EPHA6: variants seen among roughly 807,000 people sequenced by gnomAD.
EPHA6 encodes the protein EPH receptor A6.
In EPHA6, 50 loss-of-function variants were observed where a neutral mutation model predicts 112.0. That is an observed-to-expected ratio of 0.45 (90% CI 0.36 to 0.56). The LOEUF (loss-of-function observed/expected upper bound fraction) is 0.56. Ranked by LOEUF, EPHA6 falls within the 20% of genes least tolerant of loss-of-function variation. The pLI, the probability that EPHA6 is intolerant of heterozygous loss-of-function variation, is 0.00. For synonymous variants in EPHA6, 529 were observed against 490.7 expected (o/e 1.08, Z -1.03); for missense variants, 1,280 against 1,417.4 (o/e 0.90, Z 1.56).
chr3:96,824,923 T>A (rs2033545860), intron 1 of EPHA6, among the ~76,000 whole-genome samples: 1 of 151,846 alleles, frequency 6.6e-6, no homozygotes, highest in East Asian at 1.9e-4. Flanking sequence ...GTTATAAAAT[T>A]GAAGAGGTAT....
chr3:97,667,237 A>G (rs772922260), intron 14 of EPHA6, among the ~76,000 whole-genome samples: 4 of 152,218 alleles, frequency 2.6e-5, no homozygotes, highest in Non-Finnish European at 4.4e-5. Context: ...GCAAACATAT[A>G]CAAATTTATT....
chr3:96,918,517 A>G (rs913721213), intron 2 of EPHA6, among the ~76,000 whole-genome samples: 9 of 152,122 alleles, frequency 5.9e-5, no homozygotes, highest in Non-Finnish European at 1.2e-4. Context: ...CAAGGCAGCA[A>G]AGAGATAGGA....
intron 11 of EPHA6, among the ~76,000 whole-genome samples, chr3:97,589,190 CGTTAGT>C (rs2093519728): frequency 6.6e-6 from 1 of 150,560 alleles, no homozygotes; most frequent in Admixed American, 6.6e-5. Flanking sequence ...CATGATCTCT[CGTTAGT>C]GTTAGTGTAT....
At chr3:97,084,120 A>C (rs1419330365) in intron 3 of EPHA6, among the ~76,000 whole-genome samples, 1 of 123,330 alleles carries the variant, frequency 8.1e-6, no homozygotes, top group African/African-American at 3.4e-5. Context: ...ATATATATAT[A>C]TATGGATATA....
chr3:97,377,359 A>C (rs1232710412), intron 5 of EPHA6, among the ~76,000 whole-genome samples: 1 of 152,154 alleles, frequency 6.6e-6, no homozygotes, highest in African/African-American at 2.4e-5. Flanking sequence ...CTCCCCAGCC[A>C]TGTGGAACTG....
At position 97,356,374 on chromosome 3, in the gene EPHA6, C is replaced by T. The variant is rs551105803; in HGVS notation, c.1607-48776C>T. 5.3e-5 allele frequency among the ~76,000 whole-genome samples: 8 copies of T among 152,264 alleles called. No individual in the cohort carries two copies. The East Asian group carries it at 1.5e-3, about 29-fold the overall frequency. On this transcript the variant is annotated intron_variant, in intron 5 of 17. Transcript: ENST00000389672. The stretch of plus-strand genomic sequence containing the variant: ...TAAAGTACAAAATAAATGTAATGTG[C>T]TTGAATCATCCCAAAACCATCCCCC...
At chr3:97,699,940 C>A (rs2033277215) in intron 14 of EPHA6, among the ~76,000 whole-genome samples, 1 of 152,176 alleles carries the variant, frequency 6.6e-6, no homozygotes, top group African/African-American at 2.4e-5. Context: ...AGCCCAAGTT[C>A]CCTGGAAAAC....
At chr3:97,074,229 C>T (rs2046446968) in intron 3 of EPHA6, among the ~76,000 whole-genome samples, 1 of 151,890 alleles carries the variant, frequency 6.6e-6, no homozygotes, top group African/African-American at 2.4e-5. Flanking sequence ...AACATACTTG[C>T]ATTGACACTG....
intron 3 of EPHA6, among the ~76,000 whole-genome samples, chr3:97,106,617 C>G (rs2047578414): frequency 6.6e-6 from 1 of 152,070 alleles, no homozygotes. Context: ...TTCCGGTACA[C>G]CAAGGTGAGA....
intron 14 of EPHA6, 138 bp from the exon 15 acceptor site, chr3:97,720,123 T>C (rs888393273): frequency 3.1e-5 from 20 of 645,216 alleles, no homozygotes; most frequent in Non-Finnish European, 4.3e-5. Flanking sequence ...TATTCTGGCT[T>C]TCTTTTGATT....
chr3:97,684,127 A>C (rs1180397465), intron 14 of EPHA6, among the ~76,000 whole-genome samples: 1 of 152,176 alleles, frequency 6.6e-6, no homozygotes, highest in Non-Finnish European at 1.5e-5. Flanking sequence ...ATGAAAATAT[A>C]TGTTCACTGA....
At chr3:97,097,191 T>G (rs2047265181) in intron 3 of EPHA6, among the ~76,000 whole-genome samples, 1 of 151,592 alleles carries the variant, frequency 6.6e-6, no homozygotes, top group Non-Finnish European at 1.5e-5. Context: ...TTTATAAAAA[T>G]GACATATGCA....
At chr3:96,880,682 C>T (rs776868070) in intron 2 of EPHA6, among the ~76,000 whole-genome samples, 13 of 152,068 alleles carry the variant, frequency 8.5e-5, no homozygotes, top group Non-Finnish European at 1.5e-4. Flanking sequence ...TGTTGCACCC[C>T]ATTCTTCCTC....
intron 7 of EPHA6, among the ~76,000 whole-genome samples, chr3:97,454,426 A>T (rs1057200176): frequency 5.3e-5 from 8 of 151,854 alleles, no homozygotes; most frequent in African/African-American, 1.9e-4. Context: ...GTCAAAAAGA[A>T]AAAGAAATAC....
intron 5 of EPHA6, among the ~76,000 whole-genome samples, chr3:97,350,366 A>G (rs530439582): frequency 6.6e-6 from 1 of 152,254 alleles, no homozygotes; most frequent in African/African-American, 2.4e-5. Flanking sequence ...ACAGAGTATC[A>G]CAATGCAGAA....
chr3:97,554,444 CT>C (rs1044589804), intron 11 of EPHA6, among the ~76,000 whole-genome samples: 8 of 152,002 alleles, frequency 5.3e-5, no homozygotes, highest in African/African-American at 1.9e-4. Context: ...ACAGCTATTT[CT>C]TTTAGGTTTG....
chr3:97,624,105 T>A (rs2093835484), intron 13 of EPHA6, among the ~76,000 whole-genome samples: 1 of 151,782 alleles, frequency 6.6e-6, no homozygotes, highest in Non-Finnish European at 1.5e-5. Context: ...ATCCTGGCCC[T>A]CTTCATTATC....
At chr3:97,243,156 T>A (rs1481710008) in intron 4 of EPHA6, among the ~76,000 whole-genome samples, 1 of 151,900 alleles carries the variant, frequency 6.6e-6, no homozygotes, top group African/African-American at 2.4e-5. Flanking sequence ...CTCCTTAGAC[T>A]GACTTGGTTT....
At chr3:97,645,605 T>C (rs2094053326) in intron 14 of EPHA6, among the ~76,000 whole-genome samples, 1 of 151,536 alleles carries the variant, frequency 6.6e-6, no homozygotes, top group Non-Finnish European at 1.5e-5. Context: ...GCATGGCACA[T>C]GTATACATAT....
Sources: allele counts gnomAD v4.1 joint callset (sites outside exome capture counted in the v4.1 genomes callset), GRCh38; gene constraint gnomAD v4.1.1; transcripts MANE v1.5; gene names NCBI Gene and HGNC (gene_info 2026-07-23, HGNC 2026-07-21).